Variants in ZNF160 observed in about 807,000 individuals in gnomAD.
ZNF160 encodes the protein KRAB zinc finger protein KR18.
A neutral mutation model predicts 13.1 loss-of-function variants in ZNF160; 9 were observed. The ratio of observed to expected loss-of-function variants is 0.69; its 90% CI spans 0.41 to 1.20. ZNF160 has a LOEUF of 1.20. Among genes scored for constraint, ZNF160 ranks in the 50% most tolerant of loss-of-function variants. The pLI is 0.01. For synonymous variants in ZNF160, 293 were observed against 333.2 expected (o/e 0.88, Z 1.31); for missense variants, 838 against 988.0 (o/e 0.85, Z 2.04).
rs2085523748 is a variant in ZNF160, at chr19:53,103,419, G to C, written c.-508C>G. The C allele has an allele frequency of 6.6e-6, 1 of 152,420 alleles. No homozygotes were observed. The allele number at this position is 152,420 out of a possible 1,614,324, so 9.4% of individuals were successfully genotyped here. On this transcript the variant is annotated 5_prime_UTR_variant, in exon 1 of 6. Coordinates refer to ENST00000683776, the MANE Select transcript of ZNF160 (RefSeq NM_001322131.2). ...CTTGCTCCGCACGATCCACTTCCGG[G>C]TCTGTGGGCAACTGCGCGAAGGAAA...
Position 53,069,916 on chromosome 19 carries a change from T to C in ZNF160, c.618A>G (p.Gln206=), listed in dbSNP as rs747212521. Residue 206 remains glutamine (Q), a synonymous_variant, in exon 6 of 6, where the codon CAA becomes CAG. Transcript: ENST00000683776. This position sits in a 1 kb window ranked among gnomAD's most constrained non-coding sequence, Gnocchi z 4.4. ...QGEGKMYECN[Q]VEKSTNNGSS... is the part of the protein sequence containing the mutation. ...AACCATTGTTGGTAGACTTCTCAAC[T>C]TGATTACATTCATACATTTTCCCCT... The C allele has an allele frequency of 5.6e-6, 9 of 1,614,070 alleles. No individual in the cohort carries two copies. The East Asian group carries it at 8.9e-5, about 16-fold the overall frequency.
At chr19:53,074,692 C>A (rs2084317618) in intron 4 of ZNF160, among the ~76,000 whole-genome samples, 1 of 144,114 alleles carries the variant, frequency 6.9e-6, no homozygotes, top group South Asian at 2.2e-4. Flanking sequence ...AAAAAATCAT[C>A]CACTGAATGC....
At chr19:53,080,849 C>T (rs867638314) in intron 3 of ZNF160, among the ~76,000 whole-genome samples, 7 of 152,160 alleles carry the variant, frequency 4.6e-5, no homozygotes, top group South Asian at 2.1e-4. Context: ...AACAAAACAG[C>T]ATGGTACTGG....
chr19:53,088,749 C>A (rs745832071), intron 2 of ZNF160, among the ~76,000 whole-genome samples: 1 of 152,074 alleles, frequency 6.6e-6, no homozygotes, highest in Non-Finnish European at 1.5e-5. Flanking sequence ...GAATATTTCA[C>A]CTCTAGTCAC....
intron 3 of ZNF160, among the ~76,000 whole-genome samples, chr19:53,084,190 G>A (rs1428046294): frequency 6.6e-6 from 1 of 152,100 alleles, no homozygotes; most frequent in African/African-American, 2.4e-5. Flanking sequence ...TTCTGCCCAC[G>A]AAGGCACCAG....
In ZNF160 at chr19:53,067,910, C is replaced by T. The variant is rs10405777; in HGVS notation, c.*167G>A. ...GTAACCTGCGAGGCCTGGATAGACC[C>T]TCTGCCACATATGTTTACATGATGT... On this transcript the variant is annotated 3_prime_UTR_variant, in exon 6 of 6. Coordinates refer to ENST00000683776, the MANE Select transcript of ZNF160 (RefSeq NM_001322131.2). 530 of 957,960 alleles carry T rather than the reference C, an allele frequency of 5.5e-4. 3 individuals are homozygous for T. In the African/African-American group the frequency reaches 7.8e-3, roughly 14 times the overall value. The allele number at this position is 957,960 out of a possible 1,614,324, so 59.3% of individuals were successfully genotyped here.
chr19:53,070,350 A>G, intron 5 of ZNF160, 88 bp from the exon 6 acceptor site: 1 of 1,288,434 alleles, frequency 7.8e-7, no homozygotes, highest in Non-Finnish European at 1.0e-6. Context: ...CACCAAAAGT[A>G]ATACTTATAT....
chr19:53,099,498 C>G (rs1240415938), intron 1 of ZNF160, among the ~76,000 whole-genome samples: 1 of 150,156 alleles, frequency 6.7e-6, no homozygotes, highest in Non-Finnish European at 1.5e-5. Flanking sequence ...CACGGGAAGC[C>G]GGTGGAGGGT....
Position 53,067,761 on chromosome 19 carries a change from A to T in ZNF160, c.*316T>A. 7.6e-6 allele frequency: 2 copies of T among 263,604 alleles called. No homozygotes were observed. The highest frequency in any genetic ancestry group is 7.2e-5 in the East Asian group (1 of 13,928). The allele number at this position is 263,604 out of a possible 1,614,324, so 16.3% of individuals were successfully genotyped here. ...CTACAGTGTATAATATCAAAGGCAA[A>T]CAGGGAAACCAGAGACTGTTATTCC... On this transcript the variant is annotated 3_prime_UTR_variant, in exon 6 of 6. Coordinates refer to ENST00000683776, the MANE Select transcript of ZNF160 (RefSeq NM_001322131.2).
intron 5 of ZNF160, 84 bp downstream of exon 5, chr19:53,074,056 T>G: frequency 7.2e-7 from 1 of 1,398,586 alleles, no homozygotes; most frequent in Non-Finnish European, 1.0e-6. Flanking sequence ...TCCCTAAGTG[T>G]TGAGATTACA....
At chr19:53,094,091 T>C (rs1253215907) in intron 1 of ZNF160, among the ~76,000 whole-genome samples, 1 of 152,186 alleles carries the variant, frequency 6.6e-6, no homozygotes, top group Non-Finnish European at 1.5e-5. Context: ...GAAAGCTTCT[T>C]GATCTACAAC....
intron 4 of ZNF160, among the ~76,000 whole-genome samples, chr19:53,074,676 A>G (rs1235098315): frequency 1.3e-5 from 2 of 151,520 alleles, no homozygotes; most frequent in Non-Finnish European, 2.9e-5. Flanking sequence ...CCTCAAAAAA[A>G]AAAAAAAAAA....
chr19:53,080,639 C>T (rs1301177994), intron 3 of ZNF160, among the ~76,000 whole-genome samples: 4 of 152,108 alleles, frequency 2.6e-5, no homozygotes, highest in Non-Finnish European at 5.9e-5. Flanking sequence ...ATGAAATGTC[C>T]AAACTGCCCA....
At chr19:53,085,641 T>C (rs922345405) in intron 3 of ZNF160, 4 of 190,626 alleles carry the variant, frequency 2.1e-5, no homozygotes, top group African/African-American at 9.4e-5. Flanking sequence ...CTCCATGGGA[T>C]AGAGCTTCTG....
chr19:53,084,249 G>A (rs569677717), intron 3 of ZNF160, among the ~76,000 whole-genome samples: 1 of 152,280 alleles, frequency 6.6e-6, no homozygotes, highest in East Asian at 1.9e-4. Flanking sequence ...AGCAAGTTAG[G>A]GGGACACCCA....
intron 4 of ZNF160, 32 bp from the exon 5 acceptor site, chr19:53,074,300 C>A: frequency 1.2e-6 from 2 of 1,610,030 alleles, no homozygotes; most frequent in Non-Finnish European, 1.7e-6. Context: ...CACAATGTGC[C>A]GGGGCTTTTC....
rs1366500976 is a variant in ZNF160 at position 53,066,667 on chromosome 19, C to G, written c.*1410G>C. On this transcript the variant is annotated 3_prime_UTR_variant, in exon 6 of 6. Transcript: ENST00000683776. ...TAAAACATTATATCTATGATACATT[C>G]TGAATAAAACATTAGCAAAATGTGC... is the stretch of plus-strand genomic sequence containing the variant. The G allele has an allele frequency of 6.6e-6, 1 of 152,170 alleles. No homozygotes were observed. The highest frequency in any genetic ancestry group is 1.5e-5 in the Non-Finnish European group (1 of 68,032). The allele number at this position is 152,170 out of a possible 1,614,324, so 9.4% of individuals were successfully genotyped here.
At chr19:53,097,420 A>G (rs1600922707) in intron 1 of ZNF160, among the ~76,000 whole-genome samples, 1 of 151,914 alleles carries the variant, frequency 6.6e-6, no homozygotes, top group Non-Finnish European at 1.5e-5. Flanking sequence ...ACACGCTTAC[A>G]AACTCCCACA....
chr19:53,095,540 C>T (rs1426595598), intron 1 of ZNF160: 1 of 152,122 alleles, frequency 6.6e-6, no homozygotes, highest in African/African-American at 2.4e-5. Context: ...GATTTGAACC[C>T]TCCCCTTGAT....
Sources: allele counts gnomAD v4.1 joint callset (sites outside exome capture counted in the v4.1 genomes callset), GRCh38; gene constraint gnomAD v4.1.1; non-coding constraint Gnocchi (gnomAD v3.1); transcripts MANE v1.5; gene names NCBI Gene and HGNC (gene_info 2026-07-23, HGNC 2026-07-21).